The following GOLGA4 variants were observed in gnomAD, a reference collection of about 807,000 sequenced individuals.
GOLGA4 encodes golgin A4, also known as golgin subfamily A member 4.
Under a neutral mutation model 265.9 loss-of-function variants are expected in GOLGA4, and 169 were observed. That is an observed-to-expected ratio of 0.64 (90% CI 0.56 to 0.72). The LOEUF is 0.72. Among genes scored for constraint, GOLGA4 ranks in the 30% least tolerant of loss-of-function variants. The pLI, the probability that GOLGA4 is intolerant of heterozygous loss-of-function variation, is 0.00. For synonymous variants in GOLGA4, 923 were observed against 855.8 expected (o/e 1.08, Z -1.37); for missense variants, 2,482 against 2,483.4 (o/e 1.00, Z 0.01).
chr3:37,363,691 T>C (rs1425810794), intron 23 of GOLGA4, among the ~76,000 whole-genome samples: 1 of 152,234 alleles, frequency 6.6e-6, no homozygotes, highest in Non-Finnish European at 1.5e-5. Flanking sequence ...AGTACAGTTA[T>C]TACACTCAGG....
chr3:37,345,950 A>G (rs1363527992), intron 20 of GOLGA4, among the ~76,000 whole-genome samples: 1 of 152,064 alleles, frequency 6.6e-6, no homozygotes, highest in Non-Finnish European at 1.5e-5. Context: ...CCATCTCAAA[A>G]AAAAAAAAAA....
At chr3:37,355,300 T>A (rs62241898) in intron 22 of GOLGA4, 113 bp downstream of exon 22, 49,494 of 638,202 alleles carry the variant, frequency 0.078, 2,274 homozygotes, top group Middle Eastern at 0.11. Flanking sequence ...TTCAAATCTT[T>A]ATTATATCAC....
At chr3:37,357,369 A>G (rs2097093467) in intron 22 of GOLGA4, among the ~76,000 whole-genome samples, 2 of 152,192 alleles carry the variant, frequency 1.3e-5, no homozygotes, top group South Asian at 2.1e-4. Context: ...AATAGAAGAT[A>G]TGGAAGACAT....
At chr3:37,360,547 T>A (rs1696173151) in intron 22 of GOLGA4, among the ~76,000 whole-genome samples, 1 of 152,226 alleles carries the variant, frequency 6.6e-6, no homozygotes, top group Non-Finnish European at 1.5e-5. Flanking sequence ...TCAGATTTTA[T>A]AAGCAATCTT....
At chr3:37,257,962 TATATATACATAC>T (rs1190636388) in intron 2 of GOLGA4, among the ~76,000 whole-genome samples, 1 of 101,164 alleles carries the variant, frequency 9.9e-6, no homozygotes, top group Non-Finnish European at 1.8e-5. Flanking sequence ...TGTATATATG[TATATATACATAC>T]ATATATATAT....
At chr3:37,279,808 G>A (rs1227092858) in intron 2 of GOLGA4, among the ~76,000 whole-genome samples, 1 of 151,988 alleles carries the variant, frequency 6.6e-6, no homozygotes, top group Non-Finnish European at 1.5e-5. Flanking sequence ...TTGGAAGGCT[G>A]AGGCACGGGA....
At chr3:37,283,152 T>C (rs1357176965) in intron 3 of GOLGA4, among the ~76,000 whole-genome samples, 2 of 152,206 alleles carry the variant, frequency 1.3e-5, no homozygotes, top group East Asian at 3.8e-4. Context: ...TGAGTAATTT[T>C]ATCCTACAAC....
At chr3:37,307,571 T>G (rs1243143613) in intron 10 of GOLGA4, among the ~76,000 whole-genome samples, 1 of 152,164 alleles carries the variant, frequency 6.6e-6, no homozygotes, top group African/African-American at 2.4e-5. Flanking sequence ...AAGGGCTATT[T>G]TTTTTCTTAT....
At chr3:37,263,576 G>A (rs2096775741) in intron 2 of GOLGA4, among the ~76,000 whole-genome samples, 1 of 151,984 alleles carries the variant, frequency 6.6e-6, no homozygotes, top group Admixed American at 6.6e-5. Flanking sequence ...TATCCTCCAC[G>A]TCTCACACTC....
rs1009215498 is a variant in GOLGA4 at position 37,323,976 on chromosome 3, T to C, written c.2090T>C (p.Leu697Ser). 6.8e-6 allele frequency: 11 copies of C among 1,613,468 alleles called. No individual in the cohort carries two copies. In the African/African-American group the frequency reaches 1.5e-4, roughly 22 times the overall value. ...TTATCTTCTGAACTGTCAGAAGTAT[T>C]AAAAGCCCGTCACAAACTAGAAGAG... Reference protein sequence around the residue: ...ESLSSELSEVLKARHKLEEEL... With the variant: ...ESLSSELSEVSKARHKLEEEL... Residue 697 changes from leucine (L) to serine (S), a missense_variant, in exon 14 of 24, where the codon TTA (leucine) becomes TCA (serine). Leu to Ser is a moderately radical substitution (Grantham distance 145). Transcript: ENST00000361924.
chr3:37,315,341 C>T, intron 10 of GOLGA4, 79 bp from the exon 11 acceptor site: 3 of 1,232,658 alleles, frequency 2.4e-6, no homozygotes, highest in African/African-American at 1.5e-5. Flanking sequence ...GCTCTTAGTT[C>T]TCAAAAATTG....
intron 21 of GOLGA4, among the ~76,000 whole-genome samples, chr3:37,347,756 G>C (rs533289534): frequency 6.6e-6 from 1 of 152,182 alleles, no homozygotes; most frequent in East Asian, 1.9e-4. Flanking sequence ...GTGGAATATC[G>C]ATCATTTAAA....
chr3:37,289,186 G>T (rs367547924), intron 4 of GOLGA4, 49 bp from the exon 5 acceptor site: 2 of 954,280 alleles, frequency 2.1e-6, no homozygotes, highest in Non-Finnish European at 3.3e-6. Context: ...TATTTACTAT[G>T]TCATACAGTT....
At chr3:37,247,679 A>C (rs1348191678) in intron 1 of GOLGA4, among the ~76,000 whole-genome samples, 1 of 152,196 alleles carries the variant, frequency 6.6e-6, no homozygotes, top group Non-Finnish European at 1.5e-5. Context: ...TTCTCTGCTC[A>C]GGGTCTTGCA....
intron 23 of GOLGA4, among the ~76,000 whole-genome samples, chr3:37,364,199 A>G (rs983827132): frequency 2.0e-5 from 3 of 152,016 alleles, no homozygotes; most frequent in Non-Finnish European, 2.9e-5. Context: ...TTTTAAACTC[A>G]TATCTTGATG....
chr3:37,301,812 G>A (rs1183064748), intron 9 of GOLGA4, among the ~76,000 whole-genome samples: 3 of 150,878 alleles, frequency 2.0e-5, no homozygotes, highest in Admixed American at 6.6e-5. Context: ...TTTTTGAGAC[G>A]GAGTCTCACT....
At chr3:37,259,951 A>G (rs896359842) in intron 2 of GOLGA4, among the ~76,000 whole-genome samples, 2 of 152,174 alleles carry the variant, frequency 1.3e-5, no homozygotes, top group Non-Finnish European at 2.9e-5. Flanking sequence ...AATTTGATCA[A>G]CATGATTTAC....
Position 37,323,830 on chromosome 3 carries a change from G to C in GOLGA4, c.1944G>C (p.Lys648Asn). 6.2e-7 allele frequency: 1 copy of C among 1,610,066 alleles called. No individual in the cohort carries two copies. The highest frequency in any genetic ancestry group is 1.3e-5 in the African/African-American group (1 of 74,598). ...CTGAAATGGAAAAACTTAGGGAAAA[G>C]TGTGAACAAGAAAAAGAAACATTGT... ...YQTEMEKLREKCEQEKETLLK... is the reference protein window; with the variant it reads ...YQTEMEKLRENCEQEKETLLK... Residue 648 changes from lysine to asparagine, a missense_variant, in exon 14 of 24, where the codon AAG (lysine) becomes AAC (asparagine). By Grantham distance (94) the Lys-to-Asn change is moderately conservative. Transcript: ENST00000361924.
intron 2 of GOLGA4, among the ~76,000 whole-genome samples, chr3:37,264,090 T>A (rs1186088439): frequency 6.6e-6 from 1 of 152,230 alleles, no homozygotes. Context: ...ATAGTGTACA[T>A]TTTTGTTTGG....
Sources: gnomAD v4.1 joint callset for allele counts (sites outside exome capture counted in the v4.1 genomes callset) on GRCh38, gnomAD v4.1.1 for gene constraint, MANE v1.5 for transcripts, NCBI Gene and HGNC (gene_info 2026-07-23, HGNC 2026-07-21) for gene names.